The following FNBP1L variants were observed in gnomAD, a reference collection of about 807,000 sequenced individuals.
The protein encoded by FNBP1L is formin-binding protein 1-like.
Under a neutral mutation model 91.2 loss-of-function variants are expected in FNBP1L, and 36 were observed. The observed-to-expected ratio is 0.39, with a 90% CI of 0.30 to 0.52. The LOEUF is 0.52. FNBP1L is among the 20% of genes least tolerant of loss of function. FNBP1L has a pLI of 0.66. For synonymous variants in FNBP1L, 242 were observed against 237.0 expected, an observed-to-expected ratio of 1.02 and a Z score of -0.19; for missense variants, 571 against 732.1, an observed-to-expected ratio of 0.78 and a Z score of 2.54.
At chr1:93,450,643 C>T (rs923888777) in intron 1 of FNBP1L, among the ~76,000 whole-genome samples, 18 of 152,168 alleles carry the variant, frequency 1.2e-4, no homozygotes, top group African/African-American at 3.9e-4. Flanking sequence ...GTGCTCTTGC[C>T]ATTGAGGAAT....
In FNBP1L at chr1:93,507,056, AAC is replaced by A. The variant is rs369423210; in HGVS notation, c.140+7524_140+7525del. On this transcript the variant is annotated intron_variant, in intron 2 of 16. Transcript: ENST00000271234. ...AGCCAAAGTACATAGAAAAACATGG[AAC>A]ACACACACACACACACACACACACA... Among the ~76,000 whole-genome samples the A allele has an allele frequency of 4.9e-3, 170 of 35,010 alleles. 1 individual carries two copies. The highest frequency in any genetic ancestry group is 6.7e-3 in the South Asian group (4 of 600). 23.0% of individuals were successfully genotyped at this position (35,010 alleles called of 152,430 possible). A position where few individuals can be genotyped will look rare whatever the true frequency, so the allele number is the denominator to read the frequency against.
At chr1:93,462,509 A>G (rs964575686) in intron 1 of FNBP1L, among the ~76,000 whole-genome samples, 2 of 151,744 alleles carry the variant, frequency 1.3e-5, no homozygotes, top group Non-Finnish European at 2.9e-5. Context: ...TTTTTGTTCC[A>G]TATTACATTT....
chr1:93,516,716 G>GA (rs955499800), intron 2 of FNBP1L, among the ~76,000 whole-genome samples: 32 of 145,362 alleles, frequency 2.2e-4, no homozygotes, highest in Admixed American at 3.4e-4. Context: ...TGAGGCAGGA[G>GA]AAAAAAAAAA....
At chr1:93,483,764 C>T (rs1450267372) in intron 1 of FNBP1L, among the ~76,000 whole-genome samples, 1 of 152,108 alleles carries the variant, frequency 6.6e-6, no homozygotes, top group Non-Finnish European at 1.5e-5. Flanking sequence ...CTAAGTATTC[C>T]TTCAGATTAG....
chr1:93,501,556 C>T (rs1211413956), intron 2 of FNBP1L, among the ~76,000 whole-genome samples: 1 of 152,052 alleles, frequency 6.6e-6, no homozygotes, highest in Non-Finnish European at 1.5e-5. Context: ...GACACCAAAC[C>T]ACTATCCATG....
intron 1 of FNBP1L, among the ~76,000 whole-genome samples, chr1:93,496,688 G>A (rs1670273143): frequency 1.3e-5 from 2 of 152,044 alleles, no homozygotes; most frequent in African/African-American, 2.4e-5. Context: ...ACAGATGTGA[G>A]CCATCTAGCC....
intron 5 of FNBP1L, 37 bp downstream of exon 5, chr1:93,524,360 T>A: frequency 7.1e-7 from 1 of 1,410,824 alleles, no homozygotes; most frequent in Non-Finnish European, 9.4e-7. Flanking sequence ...CATAAAATCT[T>A]GTAGACTAGA....
intron 2 of FNBP1L, among the ~76,000 whole-genome samples, chr1:93,501,490 C>G (rs1670437817): frequency 6.6e-6 from 1 of 152,076 alleles, no homozygotes. Flanking sequence ...TAAAAACCCA[C>G]TCTCAAAAAG....
At chr1:93,509,968 C>T (rs577820478) in intron 2 of FNBP1L, among the ~76,000 whole-genome samples, 9 of 152,290 alleles carry the variant, frequency 5.9e-5, no homozygotes, top group Admixed American at 1.3e-4. Context: ...CCTACGCCCA[C>T]GGAGTCTTGC....
chr1:93,465,196 G>A (rs937675421), intron 1 of FNBP1L, among the ~76,000 whole-genome samples: 1 of 129,276 alleles, frequency 7.7e-6, no homozygotes, highest in Non-Finnish European at 1.6e-5. Flanking sequence ...TCTTTTTTGG[G>A]GGGGGGGGTT....
At chr1:93,546,460 G>A (rs1252314991) in intron 12 of FNBP1L, among the ~76,000 whole-genome samples, 2 of 152,112 alleles carry the variant, frequency 1.3e-5, no homozygotes, top group African/African-American at 4.8e-5. Flanking sequence ...TATGAGCTAA[G>A]GAACACTGTG....
intron 1 of FNBP1L, among the ~76,000 whole-genome samples, chr1:93,465,424 A>C (rs554703216): frequency 2.6e-5 from 4 of 151,764 alleles, no homozygotes; most frequent in African/African-American, 9.7e-5. Flanking sequence ...TCATTGTTCA[A>C]TTCCCACCTA....
chr1:93,477,472 A>G (rs1669537650), intron 1 of FNBP1L, among the ~76,000 whole-genome samples: 2 of 152,198 alleles, frequency 1.3e-5, no homozygotes, highest in African/African-American at 4.8e-5. Context: ...TGGTAGAAAA[A>G]TGTGTTAATC....
intron 11 of FNBP1L, among the ~76,000 whole-genome samples, chr1:93,543,337 T>A (rs1672113835): frequency 6.6e-6 from 1 of 152,192 alleles, no homozygotes; most frequent in Non-Finnish European, 1.5e-5. Flanking sequence ...AATTGCATAG[T>A]TTTTTGAATA....
chr1:93,497,458 T>C (rs1670303676), intron 1 of FNBP1L, among the ~76,000 whole-genome samples: 1 of 152,186 alleles, frequency 6.6e-6, no homozygotes, highest in Admixed American at 6.5e-5. Context: ...TTTATATCTT[T>C]ATGTGGTGTC....
chr1:93,468,012 A>G (rs1669149811), intron 1 of FNBP1L, among the ~76,000 whole-genome samples: 1 of 152,148 alleles, frequency 6.6e-6, no homozygotes, highest in South Asian at 2.1e-4. Context: ...TGCCCTAGTC[A>G]TCCCCTCTTC....
rs968076381 is a variant in FNBP1L at position 93,520,941 on chromosome 1, C to T, written c.141-1141C>T. 7.9e-5 allele frequency among the ~76,000 whole-genome samples: 12 copies of T among 152,264 alleles called. No individual in the cohort carries two copies. The East Asian group carries it at 2.3e-3, about 29-fold the overall frequency. ...CCTGTAATCCCAGCTATTTAGGAGG[C>T]TGAGGCTGGAGAATCGCCTGAACCC... On this transcript the variant is annotated intron_variant, in intron 2 of 16. Coordinates refer to ENST00000271234, the MANE Select transcript of FNBP1L (RefSeq NM_001164473.3).
chr1:93,495,513 A>G (rs1485676773), intron 1 of FNBP1L, among the ~76,000 whole-genome samples: 1 of 152,204 alleles, frequency 6.6e-6, no homozygotes, highest in African/African-American at 2.4e-5. Flanking sequence ...ATTAAGTTAT[A>G]TTTTTATTAT....
chr1:93,461,141 G>C (rs950565792), intron 1 of FNBP1L, among the ~76,000 whole-genome samples: 2 of 152,150 alleles, frequency 1.3e-5, no homozygotes, highest in East Asian at 3.8e-4. Flanking sequence ...GCTCTGATAT[G>C]CTCTGCCTGT....
Sources: gnomAD v4.1 joint callset for allele counts (sites outside exome capture counted in the v4.1 genomes callset) on GRCh38, gnomAD v4.1.1 for gene constraint, MANE v1.5 for transcripts, NCBI Gene and HGNC (gene_info 2026-07-23, HGNC 2026-07-21) for gene names.